Variants in FOCAD observed in about 807,000 individuals in gnomAD.
The protein encoded by FOCAD is KIAA1797.
FOCAD carries 198 observed loss-of-function variants against 225.6 expected under a neutral mutation model. The ratio of observed to expected loss-of-function variants is 0.88; its 90% confidence interval spans 0.78 to 0.99. The LOEUF is 0.99. Ranked by LOEUF, FOCAD falls within the 50% of genes least tolerant of loss-of-function variation. The pLI is 0.00. For missense variants in FOCAD, 2,713 were observed against 2,123.6 expected, an observed-to-expected ratio of 1.28 and a Z score of -5.46; for synonymous variants, 897 against 755.0, an observed-to-expected ratio of 1.19 and a Z score of -3.08.
intron 4 of FOCAD, among the ~76,000 whole-genome samples, chr9:20,735,692 G>GTT (rs111699762): frequency 0.017 from 2,463 of 141,344 alleles, 63 homozygotes; most frequent in African/African-American, 0.06. Context: ...ATTTTTTAAG[G>GTT]TTTTTTTTTT....
intron 11 of FOCAD, among the ~76,000 whole-genome samples, chr9:20,797,608 GCTCT>G (rs1431326031): frequency 2.6e-5 from 4 of 151,934 alleles, no homozygotes; most frequent in Non-Finnish European, 5.9e-5. Flanking sequence ...TCATGATTTG[GCTCT>G]CTGTTTGTTA....
intron 35 of FOCAD, among the ~76,000 whole-genome samples, chr9:20,969,393 T>C (rs1023527480): frequency 6.6e-6 from 1 of 152,150 alleles, no homozygotes; most frequent in Admixed American, 6.5e-5. Flanking sequence ...CAACCGTTAC[T>C]GTAGAGCTAT....
chr9:20,665,472 A>T (rs1821873285), intron 2 of FOCAD, among the ~76,000 whole-genome samples: 1 of 152,174 alleles, frequency 6.6e-6, no homozygotes. Context: ...ATTTCAGTTC[A>T]GTCACTTCCT....
chr9:20,724,294 T>C (rs1826022735), intron 4 of FOCAD, among the ~76,000 whole-genome samples: 1 of 152,236 alleles, frequency 6.6e-6, no homozygotes, highest in Admixed American at 6.5e-5. Context: ...TCCTATTATT[T>C]CTAATCTTTT....
At chr9:20,825,609 T>A (rs967479028) in intron 15 of FOCAD, among the ~76,000 whole-genome samples, 3 of 152,132 alleles carry the variant, frequency 2.0e-5, no homozygotes, top group Admixed American at 1.3e-4. Flanking sequence ...ATACCTTAGT[T>A]GGAAAAGTAC....
chr9:20,824,961 A>G (rs1016621404), intron 15 of FOCAD, among the ~76,000 whole-genome samples: 11 of 152,184 alleles, frequency 7.2e-5, no homozygotes, highest in Non-Finnish European at 1.3e-4. Context: ...GATATTACCA[A>G]TGTCCAGAAT....
intron 11 of FOCAD, among the ~76,000 whole-genome samples, chr9:20,802,575 C>A (rs1015964259): frequency 1.3e-5 from 2 of 152,094 alleles, no homozygotes; most frequent in African/African-American, 4.8e-5. Context: ...TCAATTAACA[C>A]ATAAATATAT....
At chr9:20,954,754 C>A (rs1044661771) in intron 35 of FOCAD, among the ~76,000 whole-genome samples, 2 of 152,134 alleles carry the variant, frequency 1.3e-5, no homozygotes, top group Non-Finnish European at 2.9e-5. Context: ...TTGGCATTTT[C>A]AGGTTGTGGG....
At chr9:20,920,730 G>A (rs1023689391) in intron 24 of FOCAD, among the ~76,000 whole-genome samples, 30 of 151,692 alleles carry the variant, frequency 2.0e-4, no homozygotes, top group African/African-American at 6.5e-4. Context: ...ACTGAACACC[G>A]CATGTTCTTA....
intron 16 of FOCAD, chr9:20,863,164 A>C (rs1399658622): frequency 6.6e-6 from 1 of 152,392 alleles, no homozygotes; most frequent in Non-Finnish European, 1.5e-5. Flanking sequence ...TTCATATATT[A>C]CTGCTTAATA....
At chr9:20,927,009 T>C (rs1258281197) in intron 26 of FOCAD, among the ~76,000 whole-genome samples, 3 of 118,004 alleles carry the variant, frequency 2.5e-5, no homozygotes, top group Non-Finnish European at 5.6e-5. Context: ...ATGTGAAATA[T>C]ATATGTATAG....
chr9:20,820,117 A>G lies in FOCAD; in HGVS notation c.1561-207A>G, dbSNP rs536457571. On this transcript the variant is annotated intron_variant, in intron 12 of 43. Coordinates refer to ENST00000338382, the MANE Select transcript of FOCAD (RefSeq NM_001375567.1). Reference sequence around the variant, plus strand: ...TAGTATCTAAGTTTTCACTTTGGCTATTCTCTGAGATTAGGTCCTTATGTC... The same window carrying G: ...TAGTATCTAAGTTTTCACTTTGGCTGTTCTCTGAGATTAGGTCCTTATGTC... Among the ~76,000 whole-genome samples the G allele has an allele frequency of 3.3e-5, 5 of 152,160 alleles. No individual in the cohort carries two copies. The South Asian group carries it at 6.2e-4, about 19-fold the overall frequency.
chr9:20,951,475 C>G (rs1260346690), intron 34 of FOCAD, among the ~76,000 whole-genome samples: 1 of 152,132 alleles, frequency 6.6e-6, no homozygotes, highest in Non-Finnish European at 1.5e-5. Flanking sequence ...AATCTAGAAA[C>G]TAGGAACCAG....
intron 26 of FOCAD, among the ~76,000 whole-genome samples, chr9:20,926,644 G>C (rs987408276): frequency 3.3e-5 from 5 of 152,028 alleles, no homozygotes; most frequent in African/African-American, 1.2e-4. Context: ...TTAGCCGGGC[G>C]TGGTGGCACA....
intron 15 of FOCAD, 42 bp from the exon 16 acceptor site, chr9:20,862,536 T>A: frequency 6.2e-7 from 1 of 1,600,668 alleles, no homozygotes; most frequent in Non-Finnish European, 8.5e-7. Context: ...TCATATAGGT[T>A]GGAGTCTTGT....
At chr9:20,855,025 G>T (rs1026907161) in intron 15 of FOCAD, among the ~76,000 whole-genome samples, 1 of 151,538 alleles carries the variant, frequency 6.6e-6, no homozygotes, top group African/African-American at 2.4e-5. Context: ...ACAAAGAATG[G>T]CAATAGACAG....
In FOCAD at chr9:20,986,266, A is replaced by ATTTTTTT. The variant is rs545976303; in HGVS notation, c.4729-11_4729-5dup. ...CAGTTAATTTAATAGTAACTAAACA[A>ATTTTTTT]TTTTTTTTTTTTTTTTTGCAGAGCA... On this transcript the variant is annotated intron_variant, in intron 39 of 43. Transcript: ENST00000338382. 1.7e-3 allele frequency: 1,215 copies of ATTTTTTT among 709,464 alleles called. 147 individuals are homozygous for ATTTTTTT. The highest frequency in any genetic ancestry group is 0.011 in the African/African-American group (348 of 33,106). 43.9% of individuals were successfully genotyped at this position (709,464 alleles called of 1,614,324 possible).
intron 37 of FOCAD, among the ~76,000 whole-genome samples, chr9:20,980,630 T>C (rs551691825): frequency 6.6e-6 from 1 of 152,352 alleles, no homozygotes; most frequent in South Asian, 2.1e-4. Flanking sequence ...GAAAACATTG[T>C]TCCTCTGTCC....
At chr9:20,713,145 C>T (rs1034876547) in intron 1 of FOCAD, among the ~76,000 whole-genome samples, 1 of 152,138 alleles carries the variant, frequency 6.6e-6, no homozygotes, top group Admixed American at 6.5e-5. Context: ...ATCCTACTGC[C>T]TCTTTGTGCA....
Sources: allele counts gnomAD v4.1 joint callset (sites outside exome capture counted in the v4.1 genomes callset), GRCh38; gene constraint gnomAD v4.1.1; transcripts MANE v1.5; gene names NCBI Gene and HGNC (gene_info 2026-07-23, HGNC 2026-07-21).